PAAF1: variants seen among roughly 807,000 people sequenced by gnomAD.
The protein encoded by PAAF1 is proteasomal ATPase associated factor 1.
Under a neutral mutation model 52.8 loss-of-function variants are expected in PAAF1, and 46 were observed. The observed-to-expected ratio is 0.87, with a 90% CI of 0.69 to 1.11. The LOEUF (loss-of-function observed/expected upper bound fraction) is 1.11, where lower values mean the gene tolerates loss of function less well. Among genes scored for constraint, PAAF1 ranks in the 50% most tolerant of loss-of-function variants. PAAF1 has a pLI of 0.00. For missense variants in PAAF1, 424 were observed against 477.4 expected (o/e 0.89, Z 1.04); for synonymous variants, 178 against 172.8 (o/e 1.03, Z -0.24).
At chr11:73,902,506 A>T (rs903695382) in intron 6 of PAAF1, among the ~76,000 whole-genome samples, 3 of 152,148 alleles carry the variant, frequency 2.0e-5, no homozygotes, top group African/African-American at 7.2e-5. Flanking sequence ...ACAAGTCATG[A>T]CTCAGCATGT....
intron 8 of PAAF1, among the ~76,000 whole-genome samples, chr11:73,915,469 G>C (rs1450378089): frequency 6.6e-6 from 1 of 152,138 alleles, no homozygotes; most frequent in Non-Finnish European, 1.5e-5. Flanking sequence ...GGGCATGGTG[G>C]CATGCACCTG....
chr11:73,876,830 C>T, upstream of PAAF1: 2 of 516,902 alleles, frequency 3.9e-6, no homozygotes, highest in Non-Finnish European at 6.2e-6. Flanking sequence ...GGTTGGGGAT[C>T]CTCTGTACAT....
intron 7 of PAAF1, among the ~76,000 whole-genome samples, chr11:73,912,097 A>G (rs1400308462): frequency 2.0e-5 from 3 of 151,704 alleles, no homozygotes; most frequent in Non-Finnish European, 4.4e-5. Flanking sequence ...ATTGACTGCT[A>G]CTTCTTAAAG....
intron 6 of PAAF1, among the ~76,000 whole-genome samples, chr11:73,908,200 G>T (rs2135195378): frequency 6.6e-6 from 1 of 150,580 alleles, no homozygotes; most frequent in Non-Finnish European, 1.5e-5. Context: ...GAAAGCAGCA[G>T]CAGCATATAT....
intron 10 of PAAF1, among the ~76,000 whole-genome samples, chr11:73,923,015 T>G (rs1950265048): frequency 6.6e-6 from 1 of 152,182 alleles, no homozygotes. Context: ...CAACTTAAGC[T>G]ATTATCAATA....
intron 6 of PAAF1, among the ~76,000 whole-genome samples, chr11:73,907,041 C>CT (rs901341422): frequency 3.2e-4 from 48 of 149,746 alleles, no homozygotes; most frequent in African/African-American, 1.0e-3. Context: ...TATTGTATGT[C>CT]TTTTTTTTTC....
chr11:73,921,774 C>A, intron 10 of PAAF1: 1 of 1,201,740 alleles, frequency 8.3e-7, no homozygotes, highest in Non-Finnish European at 1.2e-6. Flanking sequence ...TCAGCCCAGT[C>A]TCTTGCCTTA....
chr11:73,926,391 C>A (rs984272322), intron 11 of PAAF1, among the ~76,000 whole-genome samples: 1 of 152,196 alleles, frequency 6.6e-6, no homozygotes, highest in Non-Finnish European at 1.5e-5. Context: ...AGCCACCGCG[C>A]CCAGCCATCT....
At chr11:73,911,562 G>C (rs947773367) in intron 7 of PAAF1, among the ~76,000 whole-genome samples, 4 of 151,114 alleles carry the variant, frequency 2.6e-5, no homozygotes, top group African/African-American at 9.7e-5. Flanking sequence ...CCCATTCTAG[G>C]ATGGTTTGTG....
At chr11:73,898,665 G>A (rs545547527) in intron 4 of PAAF1, among the ~76,000 whole-genome samples, 1 of 152,146 alleles carries the variant, frequency 6.6e-6, no homozygotes, top group East Asian at 1.9e-4. Context: ...GAAAAATACA[G>A]AAATAAGGCA....
intron 5 of PAAF1, among the ~76,000 whole-genome samples, chr11:73,899,753 T>G (rs1036018625): frequency 2.0e-5 from 3 of 152,166 alleles, no homozygotes; most frequent in African/African-American, 7.2e-5. Flanking sequence ...GCTCAGTGAT[T>G]TGGCAGAACA....
chr11:73,922,186 C>G, intron 10 of PAAF1: 1 of 901,270 alleles, frequency 1.1e-6, no homozygotes, highest in Non-Finnish European at 1.8e-6. Context: ...GAGTGGTAAG[C>G]TGGCATCTTG....
chr11:73,892,030 G>T (rs1949215518), intron 4 of PAAF1, among the ~76,000 whole-genome samples: 2 of 152,018 alleles, frequency 1.3e-5, no homozygotes. Flanking sequence ...TTTTTTAAAA[G>T]AGCAATTTTT....
At chr11:73,913,379 G>A (rs141899558) in intron 7 of PAAF1, among the ~76,000 whole-genome samples, 33 of 152,238 alleles carry the variant, frequency 2.2e-4, no homozygotes, top group African/African-American at 6.3e-4. Flanking sequence ...CGAATTGCTC[G>A]AGCCCAGGAG....
intron 6 of PAAF1, among the ~76,000 whole-genome samples, chr11:73,909,146 T>G (rs1290545120): frequency 6.6e-6 from 1 of 152,174 alleles, no homozygotes; most frequent in Non-Finnish European, 1.5e-5. Flanking sequence ...TGAACATGAT[T>G]TCTCTAGCAC....
chr11:73,926,461 C>T (rs1254200731), intron 11 of PAAF1, among the ~76,000 whole-genome samples: 1 of 152,166 alleles, frequency 6.6e-6, no homozygotes, highest in East Asian at 1.9e-4. Context: ...TCATGCCCAG[C>T]ACTTTGGGAG....
chr11:73,916,242 A>T (rs1042384711), intron 8 of PAAF1, among the ~76,000 whole-genome samples: 7 of 152,180 alleles, frequency 4.6e-5, no homozygotes, highest in African/African-American at 1.4e-4. Context: ...AGGGGCAAAG[A>T]AGGAATTTTG....
At chr11:73,910,743 C>A (rs1379162674) in intron 7 of PAAF1, among the ~76,000 whole-genome samples, 1 of 152,100 alleles carries the variant, frequency 6.6e-6, no homozygotes. Flanking sequence ...GTAATCCCAG[C>A]ACTTTGGGAG....
intron 6 of PAAF1, among the ~76,000 whole-genome samples, chr11:73,902,172 G>A (rs1949639174): frequency 6.6e-6 from 1 of 151,958 alleles, no homozygotes; most frequent in South Asian, 2.1e-4. Flanking sequence ...CAAGTTTTAA[G>A]TTTTAATATT....
Sources: gnomAD v4.1 joint callset for allele counts (sites outside exome capture counted in the v4.1 genomes callset) on GRCh38, gnomAD v4.1.1 for gene constraint, MANE v1.5 for transcripts, NCBI Gene and HGNC (gene_info 2026-07-23, HGNC 2026-07-21) for gene names.